The following SMAGP variants were observed in gnomAD, a reference collection of about 807,000 sequenced individuals.
The protein encoded by SMAGP is small cell transmembrane and glycosylated protein.
Under a neutral mutation model 10.1 loss-of-function variants are expected in SMAGP, and 7 were observed. The observed-to-expected ratio is 0.70, with a 90% CI of 0.40 to 1.31. The LOEUF (loss-of-function observed/expected upper bound fraction) is 1.31, where lower values mean the gene tolerates loss of function less well. Among genes scored for constraint, SMAGP ranks in the 50% most tolerant of loss-of-function variants. The pLI is 0.01. For synonymous variants in SMAGP, 49 were observed against 47.2 expected, an observed-to-expected ratio of 1.04 and a Z score of -0.16; for missense variants, 113 against 116.5, an observed-to-expected ratio of 0.97 and a Z score of 0.14.
At chr12:51,262,388 G>T (rs1944939362) in intron 2 of SMAGP, among the ~76,000 whole-genome samples, 1 of 152,184 alleles carries the variant, frequency 6.6e-6, no homozygotes, top group Non-Finnish European at 1.5e-5. Context: ...GCTGAGGTGG[G>T]AGGATCACCT....
Position 51,269,273 on chromosome 12 carries a change from G to A in SMAGP, c.6C>T (p.Thr2=). The A allele has an allele frequency of 6.2e-7, 1 of 1,613,906 alleles. No homozygotes were observed. Among genetic ancestry groups the A allele is most frequent in the Non-Finnish European group, 8.5e-7 (1 of 1,179,832 alleles). M[T]SLLTTPSPRE... is the part of the protein sequence containing the mutation. The stretch of plus-strand genomic sequence containing the variant: ...TTGGAGAAGGAGTAGTCAGGAGGCT[G>A]GTCATTGTCACTAGTGGTTGAGTTT... Residue 2 remains threonine (T), a synonymous_variant, in exon 2 of 4, where the codon ACC becomes ACT. Coordinates refer to ENST00000603798, the MANE Select transcript of SMAGP (RefSeq NM_001031628.2).
At chr12:51,264,157 A>C (rs935178059) in intron 2 of SMAGP, among the ~76,000 whole-genome samples, 1 of 152,128 alleles carries the variant, frequency 6.6e-6, no homozygotes, top group Admixed American at 6.6e-5. Flanking sequence ...GGGGAAGAGA[A>C]ATGCAAGACA....
chr12:51,266,209 G>C (rs1230699996), intron 2 of SMAGP, among the ~76,000 whole-genome samples: 1 of 152,142 alleles, frequency 6.6e-6, no homozygotes, highest in South Asian at 2.1e-4. Context: ...ATTCCAGAAA[G>C]GAACAATTCA....
At chr12:51,246,899 C>G in intron 2 of SMAGP, 68 bp from the exon 3 acceptor site, 1 of 1,246,920 alleles carries the variant, frequency 8.0e-7, no homozygotes, top group African/African-American at 1.5e-5. Context: ...TATGTTTGGC[C>G]TTCAAATTTC....
At chr12:51,248,319 T>C (rs775460060) in intron 2 of SMAGP, among the ~76,000 whole-genome samples, 5 of 151,868 alleles carry the variant, frequency 3.3e-5, no homozygotes, top group East Asian at 1.9e-4. Flanking sequence ...GCCAAACCTT[T>C]CTCTCTGGTC....
chr12:51,268,101 T>C (rs1944992706), intron 2 of SMAGP, among the ~76,000 whole-genome samples: 1 of 152,114 alleles, frequency 6.6e-6, no homozygotes, highest in South Asian at 2.1e-4. Flanking sequence ...ATTCTCAGAG[T>C]GCTGAGCAGT....
At chr12:51,253,566 A>G (rs1944859940) in intron 2 of SMAGP, 1 of 152,272 alleles carries the variant, frequency 6.6e-6, no homozygotes, top group Non-Finnish European at 1.5e-5. Context: ...AATGTGGTAT[A>G]TACATACCCT....
intron 2 of SMAGP, among the ~76,000 whole-genome samples, chr12:51,249,439 T>C (rs536285793): frequency 6.6e-6 from 1 of 152,042 alleles, no homozygotes; most frequent in Non-Finnish European, 1.5e-5. Flanking sequence ...TCTGACACTA[T>C]CTCTAGGTAG....
intron 3 of SMAGP, chr12:51,246,467 A>G (rs1351045269): frequency 4.7e-6 from 2 of 428,822 alleles, no homozygotes; most frequent in African/African-American, 4.0e-5. Context: ...TTCCTCACCC[A>G]CTCAACCAAC....
chr12:51,268,243 T>C (rs934544837), intron 2 of SMAGP, among the ~76,000 whole-genome samples: 1 of 152,064 alleles, frequency 6.6e-6, no homozygotes, highest in African/African-American at 2.4e-5. Context: ...AAGTACTCAG[T>C]GCTAATAACC....
At chr12:51,269,597 G>A (rs1229723246) in intron 1 of SMAGP, 2 of 276,204 alleles carry the variant, frequency 7.2e-6, no homozygotes, top group Non-Finnish European at 1.4e-5. Context: ...ATCTCTCAAG[G>A]CCTGAGAAAG....
intron 3 of SMAGP, chr12:51,246,378 T>G: frequency 2.0e-6 from 1 of 497,518 alleles, no homozygotes; most frequent in Non-Finnish European, 3.5e-6. Context: ...AACCAGTTCC[T>G]GATTCTTAAA....
intron 2 of SMAGP, among the ~76,000 whole-genome samples, chr12:51,268,268 C>T (rs1049927759): frequency 9.3e-5 from 14 of 151,108 alleles, no homozygotes; most frequent in Admixed American, 2.0e-4. Context: ...TGACTGAGTG[C>T]TTACGAGATA....
At chr12:51,246,953 C>A in intron 2 of SMAGP, 122 bp from the exon 3 acceptor site, 1 of 583,352 alleles carries the variant, frequency 1.7e-6, no homozygotes, top group Non-Finnish European at 2.9e-6. Context: ...TCATTTAACT[C>A]CTAGAGTATA....
Sources: allele counts gnomAD v4.1 joint callset (sites outside exome capture counted in the v4.1 genomes callset), GRCh38; gene constraint gnomAD v4.1.1; transcripts MANE v1.5; gene names NCBI Gene and HGNC (gene_info 2026-07-23, HGNC 2026-07-21).